TTPA: variants seen among roughly 807,000 people sequenced by gnomAD.
TTPA encodes the protein alpha-tocopherol transfer protein.
Under a neutral mutation model 25.9 loss-of-function variants are expected in TTPA, and 23 were observed. That is an observed-to-expected ratio of 0.89 (90% CI 0.64 to 1.26). TTPA has a LOEUF of 1.26. Among genes scored for constraint, TTPA ranks in the 50% most tolerant of loss-of-function variants. The pLI, the probability that TTPA is intolerant of heterozygous loss-of-function variation, is 0.00. For missense variants in TTPA, 337 were observed against 353.1 expected (o/e 0.95, Z 0.37); for synonymous variants, 148 against 137.3 (o/e 1.08, Z -0.54).
chr8:63,065,296 T>G (rs1805372474), intron 3 of TTPA, among the ~76,000 whole-genome samples: 1 of 152,192 alleles, frequency 6.6e-6, no homozygotes. Context: ...CTATGTCACT[T>G]CTCGGATATA....
Position 63,075,698 on chromosome 8 carries a change from C to CAA in TTPA, c.205-2612_205-2611dup, listed in dbSNP as rs751066913. Among the ~76,000 whole-genome samples, 472 of 56,026 alleles carry CAA rather than the reference C, an allele frequency of 8.4e-3. 6 individuals carry two copies. The highest frequency in any genetic ancestry group is 0.024 in the African/African-American group (367 of 15,406). 36.8% of individuals were successfully genotyped at this position (56,026 alleles called of 152,430 possible). ...TGGGCGACAGAGCCAGACTCCGTCTCAAAAAAAAAAAAAAAAAAAAAAAGT... is the reference window on the plus strand; with the variant it reads ...TGGGCGACAGAGCCAGACTCCGTCTCAAAAAAAAAAAAAAAAAAAAAAAAAGT... On this transcript the variant is annotated intron_variant, in intron 1 of 4. Coordinates refer to ENST00000260116, the MANE Select transcript of TTPA (RefSeq NM_000370.3).
At chr8:63,073,169 G>T in intron 1 of TTPA, 81 bp from the exon 2 acceptor site, 1 of 1,183,130 alleles carries the variant, frequency 8.5e-7, no homozygotes, top group Non-Finnish European at 1.2e-6. Context: ...CTTTGGCATT[G>T]TGTATAAACT....
chr8:63,084,061 T>A (rs188756570), intron 1 of TTPA, among the ~76,000 whole-genome samples: 20 of 152,134 alleles, frequency 1.3e-4, no homozygotes, highest in African/African-American at 4.8e-4. Flanking sequence ...ATTTTTGTTA[T>A]TTTTTGTAGA....
At chr8:63,083,799 T>C (rs75157313) in intron 1 of TTPA, among the ~76,000 whole-genome samples, 2,584 of 152,092 alleles carry the variant, frequency 0.017, 73 homozygotes, top group African/African-American at 0.059. Context: ...ATACACAAAT[T>C]GTGTTTGATA....
At position 63,064,291 on chromosome 8, in the gene TTPA, C is replaced by T; in HGVS notation, c.578G>A (p.Gly193Asp). The change falls in exon 4 of 5, where the codon GGC becomes GAC. Residue 193 changes from glycine (G) to aspartate (D), a missense_variant. Coordinates refer to ENST00000260116, the MANE Select transcript of TTPA (RefSeq NM_000370.3). ...TACTGGTTCATTTATCAAATGGATG[C>T]CACGAACTTTCAATGGAAATGAATC... ...LTDSFPLKVR[G>D]IHLINEPVIF... 1 of 1,612,230 alleles carries T rather than the reference C, an allele frequency of 6.2e-7. No individual in the cohort carries two copies. The highest frequency in any genetic ancestry group is 8.5e-7 in the Non-Finnish European group (1 of 1,178,954).
intron 1 of TTPA, among the ~76,000 whole-genome samples, chr8:63,084,778 T>C (rs888791706): frequency 2.6e-5 from 4 of 152,224 alleles, no homozygotes; most frequent in African/African-American, 9.6e-5. Flanking sequence ...TTGTGTTACC[T>C]AGATTATTTT....
chr8:63,075,816 T>G (rs1458803131), intron 1 of TTPA, among the ~76,000 whole-genome samples: 1 of 151,814 alleles, frequency 6.6e-6, no homozygotes, highest in East Asian at 1.9e-4. Context: ...TATGAAAAAT[T>G]TTATAAAAGA....
chr8:63,080,697 G>A (rs768576107), intron 1 of TTPA, among the ~76,000 whole-genome samples: 6 of 148,702 alleles, frequency 4.0e-5, no homozygotes, highest in African/African-American at 1.3e-4. Flanking sequence ...TCCAGCCTGG[G>A]TGACAGAGCG....
intron 2 of TTPA, among the ~76,000 whole-genome samples, chr8:63,067,168 T>C (rs1211457213): frequency 1.3e-5 from 2 of 152,050 alleles, no homozygotes; most frequent in Admixed American, 6.5e-5. Context: ...ATTGAGATAT[T>C]AGAAATAAAA....
intron 2 of TTPA, among the ~76,000 whole-genome samples, chr8:63,066,985 GGAGGGGGAACACT>G (rs1175646804): frequency 6.6e-6 from 1 of 151,950 alleles, no homozygotes; most frequent in Non-Finnish European, 1.5e-5. Context: ...TGAGGTGGGG[GGAGGGGGAACACT>G]GAAGCCCAGG....
chr8:63,070,788 C>G (rs767544371), intron 2 of TTPA, among the ~76,000 whole-genome samples: 1 of 152,180 alleles, frequency 6.6e-6, no homozygotes, highest in Non-Finnish European at 1.5e-5. Context: ...ACAATAAAAT[C>G]TAGCCAGACA....
chr8:63,071,796 C>T (rs1805487865), intron 2 of TTPA, among the ~76,000 whole-genome samples: 1 of 152,164 alleles, frequency 6.6e-6, no homozygotes, highest in Non-Finnish European at 1.5e-5. Context: ...AACCAGGTAG[C>T]AGGCCCTCAC....
chr8:63,068,483 A>G (rs1276163187), intron 2 of TTPA, among the ~76,000 whole-genome samples: 6 of 152,206 alleles, frequency 3.9e-5, no homozygotes, highest in African/African-American at 1.4e-4. Context: ...TGGTAAAAAG[A>G]AAGTCAATAA....
Position 63,085,800 on chromosome 8 carries a change from C to A in TTPA, c.204+18G>T. ...GGTGAGGTGCGCACTGCCGAGCGCC[C>A]TGGGCACGCACGCTTACCCGCCAGG... On this transcript the variant is annotated intron_variant, in intron 1 of 4. Coordinates refer to ENST00000260116, the MANE Select transcript of TTPA (RefSeq NM_000370.3). The A allele has an allele frequency of 1.3e-6, 2 of 1,533,096 alleles. No homozygotes were observed. The highest frequency in any genetic ancestry group is 1.7e-6 in the Non-Finnish European group (2 of 1,144,558). 95.0% of individuals were successfully genotyped at this position (1,533,096 alleles called of 1,614,324 possible). A position where few individuals can be genotyped will look rare whatever the true frequency, so the allele number is the denominator to read the frequency against.
Position 63,085,891 on chromosome 8 carries a change from G to A in TTPA, c.131C>T (p.Pro44Leu), listed in dbSNP as rs928983374. ...RAREAGVPLAPLPLTDSFLLR... is the reference protein window; with the variant it reads ...RAREAGVPLALLPLTDSFLLR... ...CAGGAAGGAGTCGGTGAGCGGCAGC[G>A]GCGCGAGCGGGACGCCAGCTTCCCG... The change falls in exon 1 of 5, where the codon CCG becomes CTG. Residue 44 changes from proline (P) to leucine (L), a missense_variant. By Grantham distance (98) the Pro-to-Leu change is moderately conservative. Coordinates refer to ENST00000260116, the MANE Select transcript of TTPA (RefSeq NM_000370.3). 5 of 1,530,412 alleles carry A rather than the reference G, an allele frequency of 3.3e-6. No individual in the cohort carries two copies. Among genetic ancestry groups the A allele is most frequent in the Non-Finnish European group, 1.7e-6 (2 of 1,143,844 alleles). 94.8% of individuals were successfully genotyped at this position (1,530,412 alleles called of 1,614,324 possible). A position where few individuals can be genotyped will look rare whatever the true frequency, so the allele number is the denominator to read the frequency against.
chr8:63,064,683 T>C (rs903570201), intron 3 of TTPA, among the ~76,000 whole-genome samples: 1 of 152,074 alleles, frequency 6.6e-6, no homozygotes, highest in Admixed American at 6.6e-5. Flanking sequence ...AGAAAAAAAA[T>C]CACAAATATT....
chr8:63,064,004 C>T (rs569159393), intron 4 of TTPA, among the ~76,000 whole-genome samples: 7 of 152,142 alleles, frequency 4.6e-5, no homozygotes, highest in South Asian at 2.1e-4. Context: ...CACAGTCTTA[C>T]AACCAATATA....
rs1185203553 is a variant in TTPA at position 63,066,109 on chromosome 8, A to G, written c.359-12T>C. 10 of 1,610,622 alleles carry G rather than the reference A, an allele frequency of 6.2e-6. No homozygotes were observed. Among genetic ancestry groups the G allele is most frequent in the Non-Finnish European group, 8.5e-6 (10 of 1,177,524 alleles). Reference sequence around the variant, plus strand: ...GGGGTCCCAGTGTGCTAAAAAAAATAAAGCATATCATATCTTAGCATTGTG... The same window carrying G: ...GGGGTCCCAGTGTGCTAAAAAAAATGAAGCATATCATATCTTAGCATTGTG... On this transcript the variant is annotated splice_polypyrimidine_tract_variant and intron_variant, in intron 2 of 4. Coordinates refer to ENST00000260116, the MANE Select transcript of TTPA (RefSeq NM_000370.3).
chr8:63,073,141 G>GTAAAAATGGAAGAAAAGCTTTGGCAT, intron 1 of TTPA, 53 bp from the exon 2 acceptor site: 1 of 1,439,700 alleles, frequency 6.9e-7, no homozygotes, highest in East Asian at 2.4e-5. Context: ...TAATGATTTT[G>GTAAAAATGGAAGAAAAGCTTTGGCAT]TAAAAATGGA....
Sources: allele counts gnomAD v4.1 joint callset (sites outside exome capture counted in the v4.1 genomes callset), GRCh38; gene constraint gnomAD v4.1.1; transcripts MANE v1.5; gene names NCBI Gene and HGNC (gene_info 2026-07-23, HGNC 2026-07-21).